JMJD1C: variants seen among roughly 807,000 people sequenced by gnomAD.
The protein encoded by JMJD1C is jumonji domain-containing protein 1C.
In JMJD1C, 31 loss-of-function variants were observed where a neutral mutation model predicts 245.3. The ratio of observed to expected loss-of-function variants is 0.13; its 90% CI spans 0.09 to 0.17. The LOEUF (loss-of-function observed/expected upper bound fraction) is 0.17. Among genes scored for constraint, JMJD1C ranks in the 10% least tolerant of loss-of-function variants. The pLI, the probability that JMJD1C is intolerant of heterozygous loss-of-function variation, is 1.00. For synonymous variants in JMJD1C, 1,057 were observed against 1,017.4 expected, an observed-to-expected ratio of 1.04 and a Z score of -0.74; for missense variants, 2,691 against 3,000.2, an observed-to-expected ratio of 0.90 and a Z score of 2.41.
At chr10:63,238,859 T>C (rs950280947) in intron 3 of JMJD1C, among the ~76,000 whole-genome samples, 18 of 152,236 alleles carry the variant, frequency 1.2e-4, no homozygotes, top group African/African-American at 3.6e-4. Flanking sequence ...TGGTATCAAT[T>C]ACTGTGCCAA....
intron 1 of JMJD1C, among the ~76,000 whole-genome samples, chr10:63,484,019 T>C (rs1010733237): frequency 6.6e-6 from 1 of 152,168 alleles, no homozygotes; most frequent in Non-Finnish European, 1.5e-5. Flanking sequence ...ATCTCTACTT[T>C]TTCAGGTGAG....
intron 2 of JMJD1C, among the ~76,000 whole-genome samples, chr10:63,326,381 A>AAAT (rs1941504795): frequency 2.1e-5 from 3 of 143,320 alleles, no homozygotes; most frequent in East Asian, 2.1e-4. Context: ...TTCCATCTCA[A>AAAT]AAATAAATAA....
chr10:63,203,984 A>T lies in JMJD1C; in HGVS notation c.5074+2611T>A, dbSNP rs1846312798. ...AGTTCCCTGACTTATGAAAACTCCC[A>T]ACTTAAAGAACTTTTCTGTGCTCAG... On this transcript the variant is annotated intron_variant, in intron 10 of 25. Coordinates refer to ENST00000399262, the MANE Select transcript of JMJD1C (RefSeq NM_032776.3). 6 of 983,662 alleles carry T rather than the reference A, an allele frequency of 6.1e-6. No homozygotes were observed. In the South Asian group the frequency reaches 1.9e-4, roughly 31 times the overall value. The allele number at this position is 983,662 out of a possible 1,614,324, so 60.9% of individuals were successfully genotyped here. A position where few individuals can be genotyped will look rare whatever the true frequency, so the allele number is the denominator to read the frequency against.
At chr10:63,358,240 C>G in intron 2 of JMJD1C, among the ~76,000 whole-genome samples, 1 of 152,082 alleles carries the variant, frequency 6.6e-6, no homozygotes, top group East Asian at 1.9e-4. Flanking sequence ...CCAAATAAAA[C>G]TCACTATGGC....
intron 1 of JMJD1C, among the ~76,000 whole-genome samples, chr10:63,387,403 CAAAG>C (rs1185775758): frequency 6.6e-6 from 1 of 151,406 alleles, no homozygotes; most frequent in Non-Finnish European, 1.5e-5. Context: ...CACTGAGACA[CAAAG>C]AAAATAATAC....
At chr10:63,282,837 C>T (rs1162527658) in intron 2 of JMJD1C, among the ~76,000 whole-genome samples, 1 of 152,192 alleles carries the variant, frequency 6.6e-6, no homozygotes, top group Non-Finnish European at 1.5e-5. Flanking sequence ...CTGCCTCAGC[C>T]TCCCAAGTAG....
At chr10:63,346,234 G>A (rs922117562) in intron 2 of JMJD1C, among the ~76,000 whole-genome samples, 36 of 152,138 alleles carry the variant, frequency 2.4e-4, no homozygotes, top group African/African-American at 8.7e-4. Context: ...TTTAAAGTGT[G>A]ATTAGATACT....
intron 3 of JMJD1C, among the ~76,000 whole-genome samples, chr10:63,237,845 T>C (rs1196256454): frequency 6.6e-6 from 1 of 151,620 alleles, no homozygotes; most frequent in African/African-American, 2.4e-5. Flanking sequence ...ATACTCAACC[T>C]GTACATAAGA....
chr10:63,204,777 T>G, intron 10 of JMJD1C: 1 of 985,480 alleles, frequency 1.0e-6, no homozygotes, highest in Non-Finnish European at 1.2e-6. Flanking sequence ...GTTTGTCCTT[T>G]GTTCTTTCAC....
At chr10:63,320,322 C>T (rs775787449) in intron 2 of JMJD1C, among the ~76,000 whole-genome samples, 1 of 151,878 alleles carries the variant, frequency 6.6e-6, no homozygotes, top group Non-Finnish European at 1.5e-5. Flanking sequence ...TTATATTCAT[C>T]ATTTGTCTAA....
At chr10:63,330,946 G>A (rs1353709459) in intron 2 of JMJD1C, among the ~76,000 whole-genome samples, 1 of 152,198 alleles carries the variant, frequency 6.6e-6, no homozygotes, top group East Asian at 1.9e-4. Context: ...TTCAAGGTAG[G>A]CATTCCTCTA....
intron 1 of JMJD1C, among the ~76,000 whole-genome samples, chr10:63,509,214 G>T (rs1034745932): frequency 1.3e-5 from 2 of 152,154 alleles, no homozygotes; most frequent in African/African-American, 4.8e-5. Context: ...GCCTGTTAAT[G>T]TGCTAGATTA....
rs73292310 is a variant in JMJD1C at position 63,277,647 on chromosome 10, T to C, written c.334-12883A>G. ...TGGGTGGGGTATCTTGAGCCAACAA[T>C]GGATAATCAGTATAATGAAAATTTT... On this transcript the variant is annotated intron_variant, in intron 2 of 25. Coordinates refer to ENST00000399262, the MANE Select transcript of JMJD1C (RefSeq NM_032776.3). 3.3e-3 allele frequency among the ~76,000 whole-genome samples: 497 copies of C among 151,410 alleles called. 3 individuals carry two copies. The highest frequency in any genetic ancestry group is 0.011 in the African/African-American group (457 of 41,222).
chr10:63,421,577 A>G (rs1474479604), intron 1 of JMJD1C, among the ~76,000 whole-genome samples: 1 of 152,070 alleles, frequency 6.6e-6, no homozygotes, highest in Admixed American at 6.5e-5. Flanking sequence ...TTTTGTTATT[A>G]TTTTGAACTG....
intron 2 of JMJD1C, among the ~76,000 whole-genome samples, chr10:63,333,294 C>T (rs1942357977): frequency 6.6e-6 from 1 of 152,130 alleles, no homozygotes; most frequent in Non-Finnish European, 1.5e-5. Context: ...GTGGCTCACA[C>T]TTGTAATTCC....
intron 2 of JMJD1C, among the ~76,000 whole-genome samples, chr10:63,305,032 G>A (rs760485073): frequency 6.6e-6 from 1 of 152,138 alleles, no homozygotes; most frequent in Admixed American, 6.5e-5. Flanking sequence ...CCAGTGACTC[G>A]GGAGGCTGAG....
intron 2 of JMJD1C, among the ~76,000 whole-genome samples, chr10:63,332,781 T>C (rs145292861): frequency 1.3e-5 from 2 of 152,342 alleles, no homozygotes; most frequent in African/African-American, 4.8e-5. Flanking sequence ...TTCAAAAGAA[T>C]ATGCTAGGTT....
At chr10:63,506,701 C>T (rs972999910) in intron 1 of JMJD1C, among the ~76,000 whole-genome samples, 5 of 152,138 alleles carry the variant, frequency 3.3e-5, no homozygotes, top group Non-Finnish European at 5.9e-5. Context: ...CAGACACAAC[C>T]TCCTCCAATA....
At chr10:63,519,814 G>A (rs1564985349) in intron 1 of JMJD1C, among the ~76,000 whole-genome samples, 1 of 152,208 alleles carries the variant, frequency 6.6e-6, no homozygotes, top group Non-Finnish European at 1.5e-5. Flanking sequence ...TACATTAGGA[G>A]TTGGGGGTGA....
Sources: gnomAD v4.1 joint callset for allele counts (sites outside exome capture counted in the v4.1 genomes callset) on GRCh38, gnomAD v4.1.1 for gene constraint, MANE v1.5 for transcripts, NCBI Gene and HGNC (gene_info 2026-07-23, HGNC 2026-07-21) for gene names.